RBM12B: variants seen among roughly 807,000 people sequenced by gnomAD.
The protein encoded by RBM12B is RNA binding motif protein 12B.
In RBM12B, 10 loss-of-function variants were observed where a neutral mutation model predicts 34.3. The ratio of observed to expected loss-of-function variants is 0.29; its 90% CI spans 0.18 to 0.49. RBM12B has a LOEUF of 0.49. Among genes scored for constraint, RBM12B ranks in the 20% least tolerant of loss-of-function variants. RBM12B has a pLI of 0.99. For synonymous variants in RBM12B, 477 were observed against 437.1 expected (o/e 1.09, Z -1.14); for missense variants, 1,139 against 1,262.7 (o/e 0.90, Z 1.48).
At position 93,734,907 on chromosome 8, in the gene RBM12B, G is replaced by T. The variant is rs759202418; in HGVS notation, c.1504C>A (p.Arg502Ser). 2 of 1,613,280 alleles carry T rather than the reference G, an allele frequency of 1.2e-6. No homozygotes were observed. Among genetic ancestry groups the T allele is most frequent in the East Asian group, 2.2e-5 (1 of 44,862 alleles). ...AAATGGGAATGGTCACCTCGCTCAC[G>T]TGACTGTGAGCGAGCTTGCATTTTT... is the stretch of plus-strand genomic sequence containing the variant. Reference protein sequence around the residue: ...SEKMQARSQSRERGDHSHLFD... With the variant: ...SEKMQARSQSSERGDHSHLFD... The change falls in exon 4 of 4, where the codon CGT becomes AGT. Residue 502 changes from arginine (R) to serine (S), a missense_variant. By Grantham distance (110) the Arg-to-Ser change is moderately radical. This residue lies in a region of RBM12B where 863 missense variants were observed against 869.5 expected (regional missense o/e 0.99). Coordinates refer to ENST00000520560, the MANE Select transcript of RBM12B (RefSeq NM_001377960.1).
At position 93,734,304 on chromosome 8, in the gene RBM12B, G is replaced by A. The variant is rs1180520523; in HGVS notation, c.2107C>T (p.Pro703Ser). 1.2e-6 allele frequency: 2 copies of A among 1,613,534 alleles called. No homozygotes were observed. Among genetic ancestry groups the A allele is most frequent in the East Asian group, 2.2e-5 (1 of 44,800 alleles). The change falls in exon 4 of 4, where the codon CCA becomes TCA. Residue 703 changes from proline (P) to serine (S), a missense_variant. By Grantham distance (74) the Pro-to-Ser change is moderately conservative. This residue lies in a region of RBM12B where 863 missense variants were observed against 869.5 expected (regional missense o/e 0.99). Coordinates refer to ENST00000520560, the MANE Select transcript of RBM12B (RefSeq NM_001377960.1). ...GGGGAATGCCTGAAATCCTCCTCTGGGGGCCGCCTGAAGTCATCCTCGGGT... is the reference window on the plus strand; with the variant it reads ...GGGGAATGCCTGAAATCCTCCTCTGAGGGCCGCCTGAAGTCATCCTCGGGT... ...RPPEDDFRRPPEEDFRHSPEE... is the reference protein window; with the variant it reads ...RPPEDDFRRPSEEDFRHSPEE...
At position 93,739,961 on chromosome 8, in the gene RBM12B, T is replaced by A. The variant is rs192990125; in HGVS notation, c.-78+668A>T. ...GGAGACAGAATTTAAATAAGTAATATCTCATCAGATCCATTTGATTTTTAA... is the reference window on the plus strand; with the variant it reads ...GGAGACAGAATTTAAATAAGTAATAACTCATCAGATCCATTTGATTTTTAA... On this transcript the variant is annotated intron_variant, in intron 2 of 3. Transcript: ENST00000520560. 4.1e-3 allele frequency among the ~76,000 whole-genome samples: 627 copies of A among 152,272 alleles called. 6 individuals are homozygous for A. Among genetic ancestry groups the A allele is most frequent in the African/African-American group, 0.014 (597 of 41,540 alleles).
rs772914172 is a variant in RBM12B, at chr8:93,733,933, GTCC to G, written c.2475_2477del (p.Glu825del). On this transcript the variant is annotated inframe_deletion, in exon 4 of 4. Coordinates refer to ENST00000520560, the MANE Select transcript of RBM12B (RefSeq NM_001377960.1). ...AATCTTCCTCCTGGGGGCTCCTGAAGTCCTCATCAGGAGGGTGCCTAAAGTCTT... is the reference window on the plus strand; with the variant it reads ...AATCTTCCTCCTGGGGGCTCCTGAAGTCATCAGGAGGGTGCCTAAAGTCTT... 83 of 1,613,400 alleles carry G rather than the reference GTCC, an allele frequency of 5.1e-5. No individual in the cohort carries two copies. Among genetic ancestry groups the G allele is most frequent in the Non-Finnish European group, 6.6e-5 (78 of 1,179,832 alleles).
intron 2 of RBM12B, among the ~76,000 whole-genome samples, chr8:93,739,478 G>GGTAAT (rs1812124943): frequency 1.3e-5 from 2 of 152,116 alleles, no homozygotes; most frequent in Non-Finnish European, 2.9e-5. Context: ...GAGACAGTAG[G>GGTAAT]GTAATGTACC....
At chr8:93,740,802 C>G in intron 1 of RBM12B, 79 bp downstream of exon 1, 2 of 337,034 alleles carry the variant, frequency 5.9e-6, no homozygotes, top group Non-Finnish European at 1.2e-5. Flanking sequence ...TTTCCCCGTT[C>G]TTCCGGCTTG....
Position 93,735,256 on chromosome 8 carries a change from A to G in RBM12B, c.1155T>C (p.His385=). ...CTTCTTGAGAGTATTTTTGTGAAAC[A>G]TGTCCGGGCCTATCTCTCTCTAGTG... ...SGSLERDRPG[H]VSQKYSQEGN... The change falls in exon 4 of 4, where the codon CAT becomes CAC. Residue 385 remains histidine (H), a synonymous_variant. Transcript: ENST00000520560. The G allele has an allele frequency of 6.2e-7, 1 of 1,613,996 alleles. No homozygotes were observed. Among genetic ancestry groups the G allele is most frequent in the Non-Finnish European group, 8.5e-7 (1 of 1,180,006 alleles).
At position 93,740,667 on chromosome 8, in the gene RBM12B, G is replaced by A. The variant is rs1812178370; in HGVS notation, c.-116C>T. 2.7e-6 allele frequency: 1 copy of A among 376,400 alleles called. No individual in the cohort carries two copies. Among genetic ancestry groups the A allele is most frequent in the South Asian group, 2.0e-5 (1 of 49,942 alleles). The allele number at this position is 376,400 out of a possible 1,614,324, so 23.3% of individuals were successfully genotyped here. ...CGAGATCTTCACTCTCAAGATCCCT[G>A]GGAAGCGCACATACACCACCACATG... On this transcript the variant is annotated 5_prime_UTR_variant, in exon 2 of 4. The change creates a premature stop within an existing upstream ORF in the 5' untranslated region. Transcript: ENST00000520560.
rs889507356 is a variant in RBM12B at position 93,730,581 on chromosome 8, T to A, written c.*2824A>T. Reference sequence around the variant, plus strand: ...AAAATTTACTATTCTTTTTTTATATTTGAAATTGATGAGGTGCTGGGAAGC... The same window carrying A: ...AAAATTTACTATTCTTTTTTTATATATGAAATTGATGAGGTGCTGGGAAGC... On this transcript the variant is annotated 3_prime_UTR_variant, in exon 4 of 4. Transcript: ENST00000520560. The A allele has an allele frequency of 2.6e-5, 4 of 152,152 alleles. No homozygotes were observed. Among genetic ancestry groups the A allele is most frequent in the African/African-American group, 7.2e-5 (3 of 41,430 alleles). 9.4% of individuals were successfully genotyped at this position (152,152 alleles called of 1,614,324 possible). A position where few individuals can be genotyped will look rare whatever the true frequency, so the allele number is the denominator to read the frequency against.
At position 93,733,351 on chromosome 8, in the gene RBM12B, T is replaced by A; in HGVS notation, c.*54A>T. On this transcript the variant is annotated 3_prime_UTR_variant, in exon 4 of 4. Transcript: ENST00000520560. ...AAAACACTTTTTTAAAACAAATGTATTTTACTCCATCAATACTGCAAGGAA... is the reference window on the plus strand; with the variant it reads ...AAAACACTTTTTTAAAACAAATGTAATTTACTCCATCAATACTGCAAGGAA... 1 of 1,389,154 alleles carries A rather than the reference T, an allele frequency of 7.2e-7. No homozygotes were observed. The highest frequency in any genetic ancestry group is 9.5e-7 in the Non-Finnish European group (1 of 1,055,744). The allele number at this position is 1,389,154 out of a possible 1,614,324, so 86.1% of individuals were successfully genotyped here. A position where few individuals can be genotyped will look rare whatever the true frequency, so the allele number is the denominator to read the frequency against.
rs770568166 is a variant in RBM12B, at chr8:93,735,934, T to C, written c.477A>G (p.Leu159=). The part of the protein sequence containing the change: ...PLKAENPYLF[L]RGLPYLVNED... ...CATTTACTAGGTAAGGCAAACCTCG[T>C]AGAAACAAGTAAGGATTCTCGGCCT... Residue 159 remains leucine (L), a synonymous_variant, in exon 4 of 4, where the codon CTA becomes CTG. Transcript: ENST00000520560. 12 of 1,614,228 alleles carry C rather than the reference T, an allele frequency of 7.4e-6. No individual in the cohort carries two copies. The highest frequency in any genetic ancestry group is 9.3e-6 in the Non-Finnish European group (11 of 1,180,046).
rs374993257 is a variant in RBM12B, at chr8:93,728,289, C to T, written c.*5116G>A. 6.4e-7 allele frequency: 1 copy of T among 1,569,710 alleles called. No individual in the cohort carries two copies. The highest frequency in any genetic ancestry group is 1.4e-5 in the African/African-American group (1 of 72,508). ...AGATGTTACAGAAGAAGAAAATTTTCTTAAGTAAACTACACATTTCCATTT... is the reference window on the plus strand; with the variant it reads ...AGATGTTACAGAAGAAGAAAATTTTTTTAAGTAAACTACACATTTCCATTT... On this transcript the variant is annotated 3_prime_UTR_variant, in exon 4 of 4. Coordinates refer to ENST00000520560, the MANE Select transcript of RBM12B (RefSeq NM_001377960.1).
chr8:93,737,174 T>C lies in RBM12B; in HGVS notation c.-29+133A>G, dbSNP rs982203154. On this transcript the variant is annotated intron_variant, in intron 3 of 3. Coordinates refer to ENST00000520560, the MANE Select transcript of RBM12B (RefSeq NM_001377960.1). ...ATGGGCTGCAACTGTGCCATTGCAC[T>C]CCAGCCTGGAGGACAGAGTGAGGCC... 2.0e-5 allele frequency: 3 copies of C among 152,116 alleles called. No homozygotes were observed. The East Asian group carries it at 5.8e-4, about 29-fold the overall frequency. The allele number at this position is 152,116 out of a possible 1,614,324, so 9.4% of individuals were successfully genotyped here. A position where few individuals can be genotyped will look rare whatever the true frequency, so the allele number is the denominator to read the frequency against.
At position 93,730,823 on chromosome 8, in the gene RBM12B, A is replaced by G. The variant is rs1224919954; in HGVS notation, c.*2582T>C. 1 of 152,184 alleles carries G rather than the reference A, an allele frequency of 6.6e-6. No homozygotes were observed. Among genetic ancestry groups the G allele is most frequent in the Non-Finnish European group, 1.5e-5 (1 of 68,032 alleles). The allele number at this position is 152,184 out of a possible 1,614,324, so 9.4% of individuals were successfully genotyped here. A position where few individuals can be genotyped will look rare whatever the true frequency, so the allele number is the denominator to read the frequency against. On this transcript the variant is annotated 3_prime_UTR_variant, in exon 4 of 4. Transcript: ENST00000520560. ...GTTTAAAAATATTAAGCCCTGATAC[A>G]TTATAGGGTAAAAGGAAATATTCAT...
Position 93,734,146 on chromosome 8 carries a change from G to A in RBM12B, c.2265C>T (p.Phe755=), listed in dbSNP as rs763674652. The change falls in exon 4 of 4, where the codon TTC becomes TTT. Residue 755 remains phenylalanine (F), a synonymous_variant. Transcript: ENST00000520560. ...TGAAGTGCTCTGGGGGTGGCCGCCG[G>A]AAGTGCTCTGGGGGAGGCCGCCTAA... is the stretch of plus-strand genomic sequence containing the variant. ...EHFRRPPPEH[F]RRPPPEHFRR... is the part of the protein sequence containing the mutation. The A allele has an allele frequency of 7.0e-6, 11 of 1,561,674 alleles. No homozygotes were observed. Among genetic ancestry groups the A allele is most frequent in the East Asian group, 4.5e-5 (2 of 44,436 alleles).
chr8:93,732,454 T>C lies in RBM12B; in HGVS notation c.*951A>G, dbSNP rs1238026258. 1 of 152,224 alleles carries C rather than the reference T, an allele frequency of 6.6e-6. No homozygotes were observed. Among genetic ancestry groups the C allele is most frequent in the Non-Finnish European group, 1.5e-5 (1 of 68,038 alleles). The allele number at this position is 152,224 out of a possible 1,614,324, so 9.4% of individuals were successfully genotyped here. On this transcript the variant is annotated 3_prime_UTR_variant, in exon 4 of 4. Coordinates refer to ENST00000520560, the MANE Select transcript of RBM12B (RefSeq NM_001377960.1). Reference sequence around the variant, plus strand: ...GAAGCTAAAAAATGAGAACCTAATATTACATGCAAGTTATGTGACTCATCA... The same window carrying C: ...GAAGCTAAAAAATGAGAACCTAATACTACATGCAAGTTATGTGACTCATCA...
rs755402350 is a variant in RBM12B, at chr8:93,734,181, G to C, written c.2230C>G (p.Pro744Ala). ...PPPEHFRRPP[P>A]EHFRRPPPEH... Reference sequence around the variant, plus strand: ...GGGGGAGGCCGCCTAAAATGCTCTGGAGGTGGTCTCCGGAAATGCTCTGGG... The same window carrying C: ...GGGGGAGGCCGCCTAAAATGCTCTGCAGGTGGTCTCCGGAAATGCTCTGGG... The change falls in exon 4 of 4, where the codon CCA becomes GCA. Residue 744 changes from proline (P) to alanine (A), a missense_variant. Around this residue, in one of 3 missense-constraint regions of RBM12B, gnomAD observed 863 missense variants for 869.5 expected, o/e 0.99. Transcript: ENST00000520560. 5.7e-6 allele frequency: 9 copies of C among 1,578,622 alleles called. No individual in the cohort carries two copies. The South Asian group carries it at 1.1e-4, about 19-fold the overall frequency.
intron 2 of RBM12B, among the ~76,000 whole-genome samples, chr8:93,738,623 C>T (rs561499119): frequency 2.0e-5 from 3 of 152,224 alleles, no homozygotes; most frequent in South Asian, 2.1e-4. Flanking sequence ...CCACCACACC[C>T]GGCTAATTTT....
intron 2 of RBM12B, among the ~76,000 whole-genome samples, chr8:93,739,575 A>G (rs569925364): frequency 3.5e-4 from 53 of 152,348 alleles, no homozygotes; most frequent in East Asian, 7.7e-4. Flanking sequence ...CCAACATGCT[A>G]TATTTCCTTA....
In RBM12B at chr8:93,735,600, T is replaced by A; in HGVS notation, c.811A>T (p.Lys271Ter). 6.2e-7 allele frequency: 1 copy of A among 1,614,172 alleles called. No individual in the cohort carries two copies. Among genetic ancestry groups the A allele is most frequent in the Non-Finnish European group, 8.5e-7 (1 of 1,180,020 alleles). The change falls in exon 4 of 4, where the codon AAA becomes TAA. Residue 271 changes from lysine (K) to a stop codon, truncating the protein, a stop_gained. Coordinates refer to ENST00000520560, the MANE Select transcript of RBM12B (RefSeq NM_001377960.1). LOFTEE classifies it low-confidence loss of function (END_TRUNC). ...CGAGAACGTGTTCTTCTGGGAGATT[T>A]TGAATGAGACCGTTTTCGAAAATGT... ...DRHFRKRSHS[K>*]SPRRTRSRSP...
Sources: gnomAD v4.1 joint callset for allele counts (sites outside exome capture counted in the v4.1 genomes callset) on GRCh38, gnomAD v4.1.1 for gene constraint, gnomAD v4.1.1 regional missense constraint, MANE v1.5 for transcripts, NCBI Gene and HGNC (gene_info 2026-07-23, HGNC 2026-07-21) for gene names.